WASHC5: variants seen among roughly 807,000 people sequenced by gnomAD.
The protein encoded by WASHC5 is WASH complex subunit 5.
In WASHC5, 101 loss-of-function variants were observed where a neutral mutation model predicts 150.4. That is an observed-to-expected ratio of 0.67 (90% CI 0.57 to 0.79). WASHC5 has a LOEUF of 0.79. WASHC5 is among the 30% of genes least tolerant of loss of function. WASHC5 has a pLI of 0.00. For missense variants in WASHC5, 1,195 were observed against 1,396.3 expected, an observed-to-expected ratio of 0.86 and a Z score of 2.30; for synonymous variants, 467 against 491.2, an observed-to-expected ratio of 0.95 and a Z score of 0.65.
intron 17 of WASHC5, 66 bp downstream of exon 17, chr8:125,055,525 T>G (rs923651396): frequency 1.1e-6 from 1 of 928,064 alleles, no homozygotes; most frequent in African/African-American, 1.6e-5. Flanking sequence ...CACATGATAA[T>G]TACCACAAAA....
At chr8:125,062,528 ACTT>A (rs1816626564) in intron 11 of WASHC5, among the ~76,000 whole-genome samples, 1 of 152,122 alleles carries the variant, frequency 6.6e-6, no homozygotes, top group South Asian at 2.1e-4. Context: ...TTCATTCTAG[ACTT>A]CAGGTTTCAT....
At chr8:125,036,436 C>T (rs529401361) in intron 26 of WASHC5, among the ~76,000 whole-genome samples, 8 of 152,230 alleles carry the variant, frequency 5.3e-5, no homozygotes, top group African/African-American at 1.7e-4. Flanking sequence ...CTTTAGTTGC[C>T]GAGGCAGGTG....
Position 125,047,301 on chromosome 8 carries a change from T to C in WASHC5, c.2410A>G (p.Thr804Ala), listed in dbSNP as rs1419129064. 3 of 1,613,904 alleles carry C rather than the reference T, an allele frequency of 1.9e-6. No homozygotes were observed. Among genetic ancestry groups the C allele is most frequent in the Non-Finnish European group, 2.5e-6 (3 of 1,179,802 alleles). The change falls in exon 20 of 29, where the codon ACT (threonine) becomes GCT (alanine). Residue 804 changes from threonine to alanine, a missense_variant. Coordinates refer to ENST00000318410, the MANE Select transcript of WASHC5 (RefSeq NM_014846.4). ...IQDWQSMYQS[T>A]HIPIPKFTPV... ...GTAAACTTGGGTATTGGAATATGAGTGGACTGGTACATGCTTTGCCAATCT... is the reference window on the plus strand; with the variant it reads ...GTAAACTTGGGTATTGGAATATGAGCGGACTGGTACATGCTTTGCCAATCT...
At chr8:125,038,023 G>T (rs148927600) in intron 25 of WASHC5, among the ~76,000 whole-genome samples, 54 of 152,192 alleles carry the variant, frequency 3.5e-4, no homozygotes, top group Non-Finnish European at 6.5e-4. Flanking sequence ...TCTGAGCCTC[G>T]GGTTCCTCAA....
chr8:125,044,413 T>G (rs1815994030), intron 21 of WASHC5, 123 bp downstream of exon 21: 1 of 1,055,970 alleles, frequency 9.5e-7, no homozygotes, highest in African/African-American at 1.6e-5. Context: ...AGGTATCATA[T>G]GCCTAAAGTC....
At chr8:125,061,369 AC>A (rs1238891657) in intron 11 of WASHC5, among the ~76,000 whole-genome samples, 175 bp from the exon 12 acceptor site, 1 of 152,214 alleles carries the variant, frequency 6.6e-6, no homozygotes, top group Non-Finnish European at 1.5e-5. Flanking sequence ...AGTAGAATAA[AC>A]TTTCTACATA....
intron 1 of WASHC5, among the ~76,000 whole-genome samples, chr8:125,087,871 G>GA (rs1817467025): frequency 6.6e-6 from 1 of 152,040 alleles, no homozygotes; most frequent in Admixed American, 6.6e-5. Flanking sequence ...AAAAAGTTTT[G>GA]ATTACAAATG....
chr8:125,047,396 A>C, intron 19 of WASHC5, 65 bp from the exon 20 acceptor site: 3 of 1,503,892 alleles, frequency 2.0e-6, no homozygotes, highest in Non-Finnish European at 2.8e-6. Flanking sequence ...TCCCTTTTCC[A>C]TATAATTTTA....
chr8:125,044,936 C>T (rs541054103), intron 20 of WASHC5: 62 of 527,828 alleles, frequency 1.2e-4, no homozygotes, highest in South Asian at 1.1e-3. Flanking sequence ...TGGTTTCAGT[C>T]ATTTATTTCC....
At chr8:125,046,117 A>C (rs1042591311) in intron 20 of WASHC5, among the ~76,000 whole-genome samples, 1 of 152,204 alleles carries the variant, frequency 6.6e-6, no homozygotes, top group Non-Finnish European at 1.5e-5. Context: ...AGAAGATTTA[A>C]CTCACACAAG....
chr8:125,035,583 G>A (rs917261477), intron 26 of WASHC5, among the ~76,000 whole-genome samples: 11 of 152,132 alleles, frequency 7.2e-5, no homozygotes, highest in African/African-American at 2.4e-4. Context: ...CTCAGTTTGC[G>A]GTGACTTGGC....
chr8:125,086,675 T>C (rs1035354771), intron 1 of WASHC5, among the ~76,000 whole-genome samples: 3 of 152,206 alleles, frequency 2.0e-5, no homozygotes, highest in Admixed American at 6.5e-5. Flanking sequence ...CAAAGAATAC[T>C]GTAGAATTAA....
At chr8:125,076,699 T>C (rs1214922189) in intron 6 of WASHC5, among the ~76,000 whole-genome samples, 199 bp from the exon 7 acceptor site, 9 of 148,672 alleles carry the variant, frequency 6.1e-5, no homozygotes, top group Non-Finnish European at 1.2e-4. Context: ...CACCATAATA[T>C]TCTCTTCTTC....
chr8:125,087,453 CA>C (rs1817452851), intron 1 of WASHC5, among the ~76,000 whole-genome samples: 2 of 152,104 alleles, frequency 1.3e-5, no homozygotes, highest in Admixed American at 1.3e-4. Flanking sequence ...TTAGGCCTGG[CA>C]ACGGTGGCTC....
At chr8:125,043,365 T>C (rs1049670264) in intron 23 of WASHC5, among the ~76,000 whole-genome samples, 3 of 152,252 alleles carry the variant, frequency 2.0e-5, no homozygotes, top group African/African-American at 7.2e-5. Context: ...GTAAGACTGC[T>C]TTCTGCAGAG....
chr8:125,036,838 C>T (rs1815722233), intron 26 of WASHC5, among the ~76,000 whole-genome samples: 1 of 152,048 alleles, frequency 6.6e-6, no homozygotes, highest in Non-Finnish European at 1.5e-5. Flanking sequence ...GGTGAAAACT[C>T]TGTCTCTACT....
intron 28 of WASHC5, 128 bp downstream of exon 28, chr8:125,028,492 A>G (rs1030194708): frequency 1.2e-5 from 8 of 678,038 alleles, no homozygotes; most frequent in Admixed American, 2.1e-5. Context: ...GGGGTAGAGC[A>G]GTGGCGAGAG....
intron 10 of WASHC5, among the ~76,000 whole-genome samples, chr8:125,066,356 A>G (rs1443778055): frequency 1.3e-5 from 2 of 152,202 alleles, no homozygotes; most frequent in Non-Finnish European, 2.9e-5. Flanking sequence ...CTAATATACT[A>G]GTAACCATAC....
At chr8:125,061,635 T>G (rs1157006813) in intron 11 of WASHC5, among the ~76,000 whole-genome samples, 4 of 150,882 alleles carry the variant, frequency 2.7e-5, no homozygotes, top group African/African-American at 9.7e-5. Flanking sequence ...GAGCATATCT[T>G]GGAGGGCAAA....
Sources: gnomAD v4.1 joint callset for allele counts (sites outside exome capture counted in the v4.1 genomes callset) on GRCh38, gnomAD v4.1.1 for gene constraint, MANE v1.5 for transcripts, NCBI Gene and HGNC (gene_info 2026-07-23, HGNC 2026-07-21) for gene names.